Variants in MPPED2 observed in about 807,000 individuals in gnomAD.
MPPED2 encodes the protein metallophosphoesterase MPPED2.
Under a neutral mutation model 33.0 loss-of-function variants are expected in MPPED2, and 5 were observed. That is an observed-to-expected ratio of 0.15 (90% CI 0.08 to 0.32). The LOEUF (loss-of-function observed/expected upper bound fraction) is 0.32. MPPED2 is among the 10% of genes least tolerant of loss of function. The pLI, the probability that MPPED2 is intolerant of heterozygous loss-of-function variation, is 1.00. For synonymous variants in MPPED2, 136 were observed against 141.9 expected (o/e 0.96, Z 0.29); for missense variants, 275 against 372.1 (o/e 0.74, Z 2.15).
At chr11:30,510,083 C>T (rs945054455) in intron 3 of MPPED2, among the ~76,000 whole-genome samples, 1 of 152,164 alleles carries the variant, frequency 6.6e-6, no homozygotes, top group Non-Finnish European at 1.5e-5. Context: ...TGCAGTAACA[C>T]CCAAGACATA....
intron 2 of MPPED2, among the ~76,000 whole-genome samples, chr11:30,546,661 T>A (rs1955442246): frequency 6.6e-6 from 1 of 152,198 alleles, no homozygotes; most frequent in Admixed American, 6.5e-5. Flanking sequence ...TGTATTGTTT[T>A]TTCCCAACTT....
intron 2 of MPPED2, among the ~76,000 whole-genome samples, chr11:30,552,720 T>C (rs1471052178): frequency 6.6e-6 from 1 of 152,176 alleles, no homozygotes; most frequent in Non-Finnish European, 1.5e-5. Context: ...AGGTTAGTTT[T>C]GTCACAATTT....
chr11:30,391,969 C>A (rs1027528514), intron 6 of MPPED2, among the ~76,000 whole-genome samples: 1 of 152,160 alleles, frequency 6.6e-6, no homozygotes, highest in Non-Finnish European at 1.5e-5. Context: ...CCTCTCTAAG[C>A]CTCAGTTTCC....
intron 3 of MPPED2, among the ~76,000 whole-genome samples, chr11:30,530,400 A>G (rs1238445412): frequency 6.6e-6 from 1 of 152,252 alleles, no homozygotes; most frequent in African/African-American, 2.4e-5. Context: ...AGAACCAGGC[A>G]TACCAAGAGC....
intron 3 of MPPED2, among the ~76,000 whole-genome samples, chr11:30,499,161 A>G (rs577851930): frequency 4.0e-4 from 61 of 152,238 alleles, no homozygotes; most frequent in Middle Eastern, 3.4e-3. Context: ...GACATGCAAA[A>G]TACCCTCTAA....
In MPPED2 at chr11:30,495,463, A is replaced by C; in HGVS notation, c.369T>G (p.Asp123Glu). 6.2e-7 allele frequency: 1 copy of C among 1,614,186 alleles called. No homozygotes were observed. Residue 123 changes from aspartate to glutamate, a missense_variant, in exon 4 of 7, where the codon GAT becomes GAG. Physicochemically the swap from Asp to Glu is conservative, Grantham distance 45 (BLOSUM62 2). Coordinates refer to ENST00000358117, the MANE Select transcript of MPPED2 (RefSeq NM_001584.3). Reference sequence around the variant, plus strand: ...TAACAAGGTCTGCCATGAATTCCTTATCAAATGTCAGTTCATGATTCCCAG... The same window carrying C: ...TAACAAGGTCTGCCATGAATTCCTTCTCAAATGTCAGTTCATGATTCCCAG... ...VIAGNHELTFDKEFMADLVKQ... is the reference protein window; with the variant it reads ...VIAGNHELTFEKEFMADLVKQ...
At chr11:30,431,198 A>C (rs1343310366) in intron 4 of MPPED2, among the ~76,000 whole-genome samples, 2 of 152,174 alleles carry the variant, frequency 1.3e-5, no homozygotes, top group South Asian at 4.1e-4. Context: ...TATTACGATA[A>C]AAAGGCAGAC....
chr11:30,506,325 T>C (rs1185074856), intron 3 of MPPED2, among the ~76,000 whole-genome samples: 6 of 152,220 alleles, frequency 3.9e-5, no homozygotes, highest in Admixed American at 2.0e-4. Context: ...ATTACAGGCA[T>C]GAGCCATCGT....
intron 6 of MPPED2, among the ~76,000 whole-genome samples, chr11:30,393,355 T>C (rs1050324258): frequency 3.3e-5 from 5 of 152,274 alleles, no homozygotes; most frequent in East Asian, 1.9e-4. Flanking sequence ...TTTGGCTTTA[T>C]CATCCAGGCC....
At chr11:30,437,347 T>G (rs973775039) in intron 4 of MPPED2, among the ~76,000 whole-genome samples, 1 of 152,224 alleles carries the variant, frequency 6.6e-6, no homozygotes, top group Admixed American at 6.5e-5. Flanking sequence ...GTATGTTAAC[T>G]GAACTAGAAG....
At chr11:30,419,119 T>C (rs1010939965) in intron 4 of MPPED2, among the ~76,000 whole-genome samples, 1 of 152,218 alleles carries the variant, frequency 6.6e-6, no homozygotes, top group African/African-American at 2.4e-5. Flanking sequence ...AATTATATTG[T>C]GTTATTTAAT....
At chr11:30,561,371 G>A (rs993178065) in intron 2 of MPPED2, among the ~76,000 whole-genome samples, 12 of 152,112 alleles carry the variant, frequency 7.9e-5, no homozygotes, top group African/African-American at 2.9e-4. Flanking sequence ...AAGTTCAATA[G>A]TTCAACTTAA....
rs139597685 is a variant in MPPED2, at chr11:30,517,060, C to T, written c.310+18934G>A. The stretch of plus-strand genomic sequence containing the variant: ...GAAAGGCTTTATAATAGTCAGGACA[C>T]GCCAACCAATTTTAAATTGAATTAC... On this transcript the variant is annotated intron_variant, in intron 3 of 6. Coordinates refer to ENST00000358117, the MANE Select transcript of MPPED2 (RefSeq NM_001584.3). Among the ~76,000 whole-genome samples the T allele has an allele frequency of 3.7e-3, 557 of 152,266 alleles. 28 individuals carry two copies. Among genetic ancestry groups the T allele is most frequent in the Admixed American group, 0.028 (427 of 15,286 alleles).
chr11:30,441,575 C>T (rs78897023), intron 4 of MPPED2, among the ~76,000 whole-genome samples: 2,294 of 152,226 alleles, frequency 0.015, 61 homozygotes, highest in African/African-American at 0.053. Context: ...CCAAAAGATG[C>T]CCCCCTATTC....
chr11:30,521,348 T>G (rs950712848), intron 3 of MPPED2, among the ~76,000 whole-genome samples: 1 of 152,180 alleles, frequency 6.6e-6, no homozygotes, highest in East Asian at 1.9e-4. Context: ...TTAGGCTAAA[T>G]TACGAAAGCT....
chr11:30,397,438 C>T (rs912412711), intron 6 of MPPED2, among the ~76,000 whole-genome samples: 11 of 152,062 alleles, frequency 7.2e-5, no homozygotes, highest in South Asian at 4.1e-4. Flanking sequence ...TCGTTGACTT[C>T]GTAATCATTA....
chr11:30,420,515 T>C (rs192312769), intron 4 of MPPED2, among the ~76,000 whole-genome samples: 20 of 152,260 alleles, frequency 1.3e-4, no homozygotes, highest in South Asian at 6.2e-4. Flanking sequence ...AAATAGAAAA[T>C]TGGTACAGTA....
intron 4 of MPPED2, among the ~76,000 whole-genome samples, chr11:30,438,426 C>T (rs563943851): frequency 2.6e-4 from 40 of 152,332 alleles, no homozygotes; most frequent in African/African-American, 9.1e-4. Context: ...ACTGACCTAA[C>T]GGTCAAACCA....
rs77181306 is a variant in MPPED2, at chr11:30,537,888, T to C, written c.129-1713A>G. Among the ~76,000 whole-genome samples, 51 of 152,280 alleles carry C rather than the reference T, an allele frequency of 3.3e-4. No individual in the cohort carries two copies. In the East Asian group the frequency reaches 8.7e-3, roughly 26 times the overall value. ...CTCATTATAGCCGATGTTGCTTTTT[T>C]AGATGTAAAAATGTTTGATGTCTTC... On this transcript the variant is annotated intron_variant, in intron 2 of 6. Coordinates refer to ENST00000358117, the MANE Select transcript of MPPED2 (RefSeq NM_001584.3).
Sources: gnomAD v4.1 joint callset for allele counts (sites outside exome capture counted in the v4.1 genomes callset) on GRCh38, gnomAD v4.1.1 for gene constraint, MANE v1.5 for transcripts, NCBI Gene and HGNC (gene_info 2026-07-23, HGNC 2026-07-21) for gene names.